The following TMEM132C variants were observed in gnomAD, a reference collection of about 807,000 sequenced individuals.
The protein encoded by TMEM132C is protein phosphatase 1, regulatory subunit 152.
Under a neutral mutation model 61.4 loss-of-function variants are expected in TMEM132C, and 29 were observed. The observed-to-expected ratio is 0.47, with a 90% confidence interval of 0.35 to 0.64. The LOEUF is 0.64. Ranked by LOEUF, TMEM132C falls within the 30% of genes least tolerant of loss-of-function variation. The pLI is 0.00. For synonymous variants in TMEM132C, 656 were observed against 633.1 expected, an observed-to-expected ratio of 1.04 and a Z score of -0.54; for missense variants, 1,408 against 1,476.9, an observed-to-expected ratio of 0.95 and a Z score of 0.76.
Position 128,429,955 on chromosome 12 carries a change from T to C in TMEM132C, c.974+14335T>C, listed in dbSNP as rs7973086. Among the ~76,000 whole-genome samples, 927 of 151,982 alleles carry C rather than the reference T, an allele frequency of 6.1e-3. 11 individuals carry two copies. Among genetic ancestry groups the C allele is most frequent in the African/African-American group, 0.02 (811 of 41,448 alleles). On this transcript the variant is annotated intron_variant, in intron 2 of 8. Coordinates refer to ENST00000435159, the MANE Select transcript of TMEM132C (RefSeq NM_001136103.3). ...CAATTATGCCATCCTGAGATGCACA[T>C]TGGGGAGAGGAGGACCAGGCATGGC...
chr12:128,389,098 G>T (rs1241752839), intron 1 of TMEM132C, among the ~76,000 whole-genome samples: 2 of 152,290 alleles, frequency 1.3e-5, no homozygotes, highest in African/African-American at 4.8e-5. Context: ...TACCCAGGGG[G>T]TTGGCAGCCT....
intron 1 of TMEM132C, among the ~76,000 whole-genome samples, chr12:128,323,638 T>C (rs772175124): frequency 3.9e-5 from 6 of 152,202 alleles, no homozygotes; most frequent in African/African-American, 7.2e-5. Context: ...AGATAGAATC[T>C]ATGGGCTTTG....
chr12:128,403,867 G>C (rs1438225708), intron 1 of TMEM132C, among the ~76,000 whole-genome samples: 1 of 152,154 alleles, frequency 6.6e-6, no homozygotes, highest in East Asian at 1.9e-4. Flanking sequence ...TTCTTCCTAT[G>C]TATGTAATAT....
intron 3 of TMEM132C, among the ~76,000 whole-genome samples, chr12:128,604,751 T>A (rs939611333): frequency 2.0e-5 from 3 of 150,766 alleles, no homozygotes; most frequent in African/African-American, 7.4e-5. Flanking sequence ...GATGGAGGGA[T>A]AGATAATAAA....
At chr12:128,268,894 G>A (rs960489266) in intron 1 of TMEM132C, among the ~76,000 whole-genome samples, 1 of 120,890 alleles carries the variant, frequency 8.3e-6, no homozygotes, top group Non-Finnish European at 1.7e-5. Context: ...AGAGGGGGGG[G>A]AAGAAGGAGT....
chr12:128,348,977 G>T (rs539694718), intron 1 of TMEM132C, among the ~76,000 whole-genome samples: 1 of 152,236 alleles, frequency 6.6e-6, no homozygotes, highest in Non-Finnish European at 1.5e-5. Context: ...TTTGTTATTT[G>T]TAACCCTGAA....
chr12:128,567,052 G>A (rs1170910476), intron 3 of TMEM132C, among the ~76,000 whole-genome samples: 1 of 152,144 alleles, frequency 6.6e-6, no homozygotes, highest in Non-Finnish European at 1.5e-5. Flanking sequence ...ATACCAAAGG[G>A]ATGCATCATT....
At chr12:128,267,619 G>T (rs1189343836) in intron 1 of TMEM132C, 132 bp downstream of exon 1, 1 of 738,286 alleles carries the variant, frequency 1.4e-6, no homozygotes, top group African/African-American at 1.9e-5. Context: ...CATCAACAGC[G>T]CCTCTGCGGG....
intron 2 of TMEM132C, among the ~76,000 whole-genome samples, chr12:128,454,021 G>A (rs749808696): frequency 2.0e-5 from 3 of 152,174 alleles, no homozygotes; most frequent in African/African-American, 2.4e-5. Flanking sequence ...AAGATCTAGC[G>A]AAGGGGGCCC....
At chr12:128,661,035 G>T (rs974761804) in intron 4 of TMEM132C, among the ~76,000 whole-genome samples, 1 of 152,120 alleles carries the variant, frequency 6.6e-6, no homozygotes, top group African/African-American at 2.4e-5. Flanking sequence ...GATGATAGAA[G>T]ATAGATTGGA....
intron 2 of TMEM132C, among the ~76,000 whole-genome samples, chr12:128,461,361 A>T (rs1870526660): frequency 6.6e-6 from 1 of 152,204 alleles, no homozygotes; most frequent in African/African-American, 2.4e-5. Flanking sequence ...ACCCCATCCG[A>T]AGACATTTTC....
chr12:128,606,676 T>C (rs561004722), intron 3 of TMEM132C, among the ~76,000 whole-genome samples: 1 of 152,312 alleles, frequency 6.6e-6, no homozygotes, highest in South Asian at 2.1e-4. Context: ...TGTGTGACAG[T>C]GCAATCACTT....
chr12:128,585,976 G>T (rs1375500904), intron 3 of TMEM132C, among the ~76,000 whole-genome samples: 1 of 152,168 alleles, frequency 6.6e-6, no homozygotes, highest in African/African-American at 2.4e-5. Context: ...TGGTGGTGAC[G>T]GCTGCACAAC....
At chr12:128,478,878 A>G (rs926093531) in intron 2 of TMEM132C, among the ~76,000 whole-genome samples, 11 of 152,206 alleles carry the variant, frequency 7.2e-5, no homozygotes, top group Admixed American at 3.9e-4. Context: ...TTAAGGATGT[A>G]TGGTACTGTT....
At chr12:128,270,601 A>C (rs1381696256) in intron 1 of TMEM132C, among the ~76,000 whole-genome samples, 1 of 152,230 alleles carries the variant, frequency 6.6e-6, no homozygotes, top group African/African-American at 2.4e-5. Context: ...CTAGGATGTC[A>C]TCAGGGTGGA....
intron 4 of TMEM132C, among the ~76,000 whole-genome samples, chr12:128,627,927 T>C (rs1565996034): frequency 6.6e-6 from 1 of 152,192 alleles, no homozygotes; most frequent in African/African-American, 2.4e-5. Flanking sequence ...ACGGAGCTGC[T>C]GCTGCAGGAG....
In TMEM132C at chr12:128,630,725, T is replaced by C. The variant is rs1007974276; in HGVS notation, c.1305+14390T>C. 6.6e-6 allele frequency among the ~76,000 whole-genome samples: 1 copy of C among 152,058 alleles called. No homozygotes were observed. Among genetic ancestry groups the C allele is most frequent in the African/African-American group, 2.4e-5 (1 of 41,380 alleles). Reference sequence around the variant, plus strand: ...AGTCGATGGCCAAAACATATCTACATTGAATAAGTGAGTTATAATAATGTG... The same window carrying C: ...AGTCGATGGCCAAAACATATCTACACTGAATAAGTGAGTTATAATAATGTG... On this transcript the variant is annotated intron_variant, in intron 4 of 8. Coordinates refer to ENST00000435159, the MANE Select transcript of TMEM132C (RefSeq NM_001136103.3). This position sits in a 1 kb window ranked among gnomAD's most constrained non-coding sequence, Gnocchi z 4.3.
At chr12:128,361,113 A>G (rs1873696102) in intron 1 of TMEM132C, among the ~76,000 whole-genome samples, 1 of 152,196 alleles carries the variant, frequency 6.6e-6, no homozygotes, top group Admixed American at 6.5e-5. Context: ...CTGTTAGATC[A>G]TAATGCTTGA....
At chr12:128,672,342 T>C (rs1003553775) in intron 5 of TMEM132C, among the ~76,000 whole-genome samples, 13 of 152,208 alleles carry the variant, frequency 8.5e-5, no homozygotes, top group African/African-American at 2.6e-4. Context: ...AACGTGTTGA[T>C]AAGACACCTC....
Sources: allele counts gnomAD v4.1 joint callset (sites outside exome capture counted in the v4.1 genomes callset), GRCh38; gene constraint gnomAD v4.1.1; non-coding constraint Gnocchi (gnomAD v3.1); transcripts MANE v1.5; gene names NCBI Gene and HGNC (gene_info 2026-07-23, HGNC 2026-07-21).